LRRC75A: variants seen among roughly 807,000 people sequenced by gnomAD.
The protein encoded by LRRC75A is leucine-rich repeat-containing protein 75A.
A neutral mutation model predicts 26.0 loss-of-function variants in LRRC75A; 12 were observed. The ratio of observed to expected loss-of-function variants is 0.46; its 90% CI spans 0.30 to 0.75. LRRC75A has a LOEUF of 0.75. Ranked by LOEUF, LRRC75A falls within the 30% of genes least tolerant of loss-of-function variation. The pLI, the probability that LRRC75A is intolerant of heterozygous loss-of-function variation, is 0.08. For missense variants in LRRC75A, 410 were observed against 486.6 expected (o/e 0.84, Z 1.48); for synonymous variants, 223 against 219.3 (o/e 1.02, Z -0.15).
chr17:16,476,893 C>T (rs973351977), intron 1 of LRRC75A, among the ~76,000 whole-genome samples: 7 of 152,178 alleles, frequency 4.6e-5, no homozygotes, highest in African/African-American at 7.2e-5. Context: ...CGCCCACCAC[C>T]ACGCCTGGCT....
chr17:16,449,263 C>T (rs1335089696), intron 2 of LRRC75A, among the ~76,000 whole-genome samples: 1 of 152,170 alleles, frequency 6.6e-6, no homozygotes, highest in Non-Finnish European at 1.5e-5. Flanking sequence ...CACCCCTCTG[C>T]TAGTGGACAA....
chr17:16,481,862 C>T (rs888844103), intron 1 of LRRC75A, among the ~76,000 whole-genome samples: 1 of 152,192 alleles, frequency 6.6e-6, no homozygotes, highest in Non-Finnish European at 1.5e-5. Flanking sequence ...CCTGCCTCCC[C>T]AGGAGCACCT....
intron 1 of LRRC75A, among the ~76,000 whole-genome samples, chr17:16,485,960 G>C (rs2093846326): frequency 1.3e-5 from 2 of 152,166 alleles, no homozygotes; most frequent in Admixed American, 6.5e-5. Context: ...ACAGCGGGGT[G>C]GGGGAATACC....
intron 1 of LRRC75A, among the ~76,000 whole-genome samples, chr17:16,482,551 G>A (rs1362529254): frequency 6.6e-6 from 1 of 152,164 alleles, no homozygotes; most frequent in Non-Finnish European, 1.5e-5. Flanking sequence ...TAGGAAGTGG[G>A]GGAGACGGGG....
chr17:16,490,365 G>T (rs1358605787), intron 1 of LRRC75A, among the ~76,000 whole-genome samples: 1 of 152,202 alleles, frequency 6.6e-6, no homozygotes, highest in African/African-American at 2.4e-5. Flanking sequence ...ATTTTCAAAA[G>T]ACAAAGAAAT....
intron 1 of LRRC75A, among the ~76,000 whole-genome samples, chr17:16,477,012 A>C (rs2093822501): frequency 2.0e-5 from 3 of 152,032 alleles, no homozygotes; most frequent in Non-Finnish European, 2.9e-5. Context: ...TGCTGGGATT[A>C]CAGGCGTGAG....
intron 2 of LRRC75A, among the ~76,000 whole-genome samples, chr17:16,449,736 C>G (rs34577506): frequency 0.2 from 29,745 of 152,156 alleles, 3,636 homozygotes; most frequent in Middle Eastern, 0.3. Flanking sequence ...CCTGCCTCAG[C>G]CTCCCGAGTA....
intron 1 of LRRC75A, among the ~76,000 whole-genome samples, chr17:16,481,406 T>TTTA (rs1449257525): frequency 2.0e-5 from 3 of 152,158 alleles, no homozygotes; most frequent in African/African-American, 7.2e-5. Flanking sequence ...TCCTTTTGAG[T>TTTA]CTGTTTCTGT....
intron 1 of LRRC75A, among the ~76,000 whole-genome samples, chr17:16,469,233 G>A (rs953846385): frequency 5.3e-5 from 8 of 152,112 alleles, no homozygotes; most frequent in African/African-American, 1.9e-4. Context: ...CCCCCAAGAA[G>A]GATTGTAAGT....
intron 1 of LRRC75A, among the ~76,000 whole-genome samples, chr17:16,472,240 G>T (rs1200257040): frequency 6.6e-6 from 1 of 151,952 alleles, no homozygotes; most frequent in Admixed American, 6.6e-5. Context: ...TCATCAGCAT[G>T]GCCCAGGATG....
chr17:16,464,314 C>G (rs986970169), intron 1 of LRRC75A, among the ~76,000 whole-genome samples: 1 of 152,192 alleles, frequency 6.6e-6, no homozygotes, highest in Non-Finnish European at 1.5e-5. Flanking sequence ...GGTACAGGTT[C>G]TAGAGCTGCA....
chr17:16,474,733 G>A (rs184813741), intron 1 of LRRC75A, among the ~76,000 whole-genome samples: 48 of 152,138 alleles, frequency 3.2e-4, no homozygotes, highest in Middle Eastern at 3.4e-3. Flanking sequence ...GGTGGCTCAC[G>A]CCTGTAATCC....
intron 2 of LRRC75A, among the ~76,000 whole-genome samples, chr17:16,451,663 A>G (rs967273124): frequency 3.3e-5 from 5 of 151,766 alleles, no homozygotes; most frequent in Non-Finnish European, 7.4e-5. Context: ...TAAAACAGAG[A>G]ATAGGAGGTG....
At chr17:16,485,731 C>T (rs1056398838) in intron 1 of LRRC75A, among the ~76,000 whole-genome samples, 1 of 149,902 alleles carries the variant, frequency 6.7e-6, no homozygotes, top group Non-Finnish European at 1.5e-5. Flanking sequence ...TTGCAGGGCA[C>T]CGGCAGCACT....
At chr17:16,451,802 T>C (rs1024153839) in intron 2 of LRRC75A, among the ~76,000 whole-genome samples, 5 of 150,282 alleles carry the variant, frequency 3.3e-5, no homozygotes, top group African/African-American at 1.2e-4. Context: ...TGGAGTGTAG[T>C]GGCGCGATCT....
intron 2 of LRRC75A, among the ~76,000 whole-genome samples, chr17:16,452,511 C>T (rs1294201163): frequency 2.0e-5 from 3 of 151,686 alleles, no homozygotes; most frequent in Non-Finnish European, 4.4e-5. Flanking sequence ...GGTCTTGGCT[C>T]ACTGCAACCT....
intron 1 of LRRC75A, among the ~76,000 whole-genome samples, chr17:16,465,910 T>C (rs1198104479): frequency 1.3e-5 from 2 of 152,110 alleles, no homozygotes; most frequent in East Asian, 1.9e-4. Context: ...CAGCTCAGGG[T>C]CACTGTGAGT....
intron 1 of LRRC75A, among the ~76,000 whole-genome samples, chr17:16,476,151 C>T (rs958177240): frequency 1.3e-5 from 2 of 152,068 alleles, no homozygotes; most frequent in Admixed American, 6.5e-5. Context: ...GCTGAGATTG[C>T]ACCACTGCAC....
At chr17:16,461,784 G>T (rs1205886914) in intron 2 of LRRC75A, among the ~76,000 whole-genome samples, 1 of 152,216 alleles carries the variant, frequency 6.6e-6, no homozygotes, top group Non-Finnish European at 1.5e-5. Flanking sequence ...ACAAGGGCTT[G>T]CACCAGGGCT....
Sources: allele counts gnomAD v4.1 joint callset (sites outside exome capture counted in the v4.1 genomes callset), GRCh38; gene constraint gnomAD v4.1.1; transcripts MANE v1.5; gene names NCBI Gene and HGNC (gene_info 2026-07-23, HGNC 2026-07-21).